The following NOS1AP variants were observed in gnomAD, a reference collection of about 807,000 sequenced individuals.
NOS1AP encodes the protein carboxyl-terminal PDZ ligand of neuronal nitric oxide synthase protein.
A neutral mutation model predicts 56.2 loss-of-function variants in NOS1AP; 21 were observed. That is an observed-to-expected ratio of 0.37 (90% CI 0.26 to 0.54). The LOEUF (loss-of-function observed/expected upper bound fraction) is 0.54. NOS1AP is among the 20% of genes least tolerant of loss of function. The pLI is 0.84. For synonymous variants in NOS1AP, 270 were observed against 274.6 expected (o/e 0.98, Z 0.17); for missense variants, 522 against 657.8 (o/e 0.79, Z 2.26).
At chr1:162,280,377 G>A (rs865944392) in intron 2 of NOS1AP, among the ~76,000 whole-genome samples, 1 of 152,172 alleles carries the variant, frequency 6.6e-6, no homozygotes, top group African/African-American at 2.4e-5. Context: ...ATATGATTAA[G>A]ACACATTGAT....
At chr1:162,199,092 T>TG (rs902994320) in intron 2 of NOS1AP, among the ~76,000 whole-genome samples, 6 of 152,202 alleles carry the variant, frequency 3.9e-5, no homozygotes, top group African/African-American at 1.4e-4. Context: ...GGGATAGGCA[T>TG]GGGGGTTAAG....
intron 2 of NOS1AP, among the ~76,000 whole-genome samples, chr1:162,194,435 C>G (rs1471499866): frequency 6.6e-6 from 1 of 152,118 alleles, no homozygotes; most frequent in Non-Finnish European, 1.5e-5. Flanking sequence ...ATTTAAGTAC[C>G]CTTCAGTGCT....
rs970114416 is a variant in NOS1AP, at chr1:162,150,781, C to A, written c.106-3624C>A. Among the ~76,000 whole-genome samples, 6 of 152,268 alleles carry A rather than the reference C, an allele frequency of 3.9e-5. No homozygotes were observed. The East Asian group carries it at 1.2e-3, about 29-fold the overall frequency. ...TCTTTTGAGAAATGTCTAGTCAGAT[C>A]TTTCACCCATATTTAAATCAGATTA... On this transcript the variant is annotated intron_variant, in intron 1 of 9. Coordinates refer to ENST00000361897, the MANE Select transcript of NOS1AP (RefSeq NM_014697.3).
At position 162,299,783 on chromosome 1, in the gene NOS1AP, C is replaced by T. The variant is rs572901156; in HGVS notation, c.271-850C>T. Reference sequence around the variant, plus strand: ...GTGTGTGTGTGTGTCTGTGTGTGCACGCGCACATACGTAGTATGGTATTTG... The same window carrying T: ...GTGTGTGTGTGTGTCTGTGTGTGCATGCGCACATACGTAGTATGGTATTTG... On this transcript the variant is annotated intron_variant, in intron 3 of 9. Transcript: ENST00000361897. Among the ~76,000 whole-genome samples the T allele has an allele frequency of 5.3e-5, 8 of 151,972 alleles. No homozygotes were observed. The South Asian group carries it at 1.0e-3, about 20-fold the overall frequency.
intron 2 of NOS1AP, among the ~76,000 whole-genome samples, chr1:162,277,769 G>C (rs1240575975): frequency 6.6e-6 from 1 of 152,148 alleles, no homozygotes; most frequent in Admixed American, 6.5e-5. Flanking sequence ...GCTGGCATTG[G>C]TGAAAACATT....
At chr1:162,225,057 G>A (rs1000019285) in intron 2 of NOS1AP, among the ~76,000 whole-genome samples, 1 of 152,202 alleles carries the variant, frequency 6.6e-6, no homozygotes, top group Non-Finnish European at 1.5e-5. Context: ...CAGAAGTCCT[G>A]CAGGTGATAT....
In NOS1AP at chr1:162,246,817, A is replaced by G. The variant is rs945935599; in HGVS notation, c.178-40527A>G. On this transcript the variant is annotated intron_variant, in intron 2 of 9. Coordinates refer to ENST00000361897, the MANE Select transcript of NOS1AP (RefSeq NM_014697.3). ...GGGGGTGTTGATGGGAGACCTGGAC[A>G]GGAATGGGTATGGCCAGTTTGTCCT... Among the ~76,000 whole-genome samples the G allele has an allele frequency of 3.3e-5, 5 of 152,244 alleles. No homozygotes were observed. The East Asian group carries it at 7.7e-4, about 24-fold the overall frequency.
intron 2 of NOS1AP, among the ~76,000 whole-genome samples, chr1:162,263,967 A>G (rs1654317933): frequency 6.6e-6 from 1 of 152,134 alleles, no homozygotes; most frequent in African/African-American, 2.4e-5. Flanking sequence ...TTTAATTCTA[A>G]ACTAGGTCTT....
intron 6 of NOS1AP, 148 bp from the exon 7 acceptor site, chr1:162,355,039 A>C: frequency 1.2e-6 from 1 of 843,530 alleles, no homozygotes; most frequent in Non-Finnish European, 1.9e-6. Context: ...ATGCACTTTA[A>C]CGTACTTGAG....
rs183918851 is a variant in NOS1AP at position 162,180,161 on chromosome 1, G to A, written c.177+25685G>A. 1.5e-3 allele frequency among the ~76,000 whole-genome samples: 232 copies of A among 152,272 alleles called. 2 individuals carry two copies. The highest frequency in any genetic ancestry group is 5.3e-3 in the African/African-American group (221 of 41,562). On this transcript the variant is annotated intron_variant, in intron 2 of 9. Coordinates refer to ENST00000361897, the MANE Select transcript of NOS1AP (RefSeq NM_014697.3). ...CATCACTTACAGAAACAATCCCTGT[G>A]GCAAATGCACCCGGTGACCTCCAAT...
In NOS1AP at chr1:162,368,421, G is replaced by A. The variant is rs886893911; in HGVS notation, c.*954G>A. On this transcript the variant is annotated 3_prime_UTR_variant, in exon 10 of 10. Coordinates refer to ENST00000361897, the MANE Select transcript of NOS1AP (RefSeq NM_014697.3). ...AACCTGTCCCCTCCACTGGGCAGTGGTGGTCAGTTTTTACTGCAAAAAAAA... is the reference window on the plus strand; with the variant it reads ...AACCTGTCCCCTCCACTGGGCAGTGATGGTCAGTTTTTACTGCAAAAAAAA... 7 of 143,410 alleles carry A rather than the reference G, an allele frequency of 4.9e-5. No homozygotes were observed. The highest frequency in any genetic ancestry group is 1.0e-4 in the Non-Finnish European group (7 of 66,782). 8.9% of individuals were successfully genotyped at this position (143,410 alleles called of 1,614,324 possible). A position where few individuals can be genotyped will look rare whatever the true frequency, so the allele number is the denominator to read the frequency against.
intron 7 of NOS1AP, among the ~76,000 whole-genome samples, chr1:162,355,767 CGTT>C (rs1221318564): frequency 6.6e-6 from 1 of 152,040 alleles, no homozygotes; most frequent in African/African-American, 2.4e-5. Flanking sequence ...GGTGGTATAC[CGTT>C]GGTAATTCCT....
chr1:162,199,194 A>T (rs571333251), intron 2 of NOS1AP, among the ~76,000 whole-genome samples: 1 of 152,158 alleles, frequency 6.6e-6, no homozygotes, highest in Admixed American at 6.5e-5. Context: ...TTCTAGAATC[A>T]TGTGGGACTT....
intron 2 of NOS1AP, among the ~76,000 whole-genome samples, chr1:162,222,671 G>A (rs1324893702): frequency 1.3e-5 from 2 of 152,208 alleles, no homozygotes; most frequent in African/African-American, 4.8e-5. Flanking sequence ...CAGGTGGCCT[G>A]TTACATTTGC....
chr1:162,359,059 G>A (rs1657800765), intron 8 of NOS1AP, among the ~76,000 whole-genome samples: 1 of 152,152 alleles, frequency 6.6e-6, no homozygotes, highest in Non-Finnish European at 1.5e-5. Flanking sequence ...CCCTGGCCCT[G>A]TTTTAATTGT....
In NOS1AP at chr1:162,145,450, T is replaced by A. The variant is rs563637587; in HGVS notation, c.106-8955T>A. On this transcript the variant is annotated intron_variant, in intron 1 of 9. Transcript: ENST00000361897. Reference sequence around the variant, plus strand: ...CGCAACTTTTCTCTTTTTCCTCCCCTCCCCCAGAGTATTTAGTAGGAGGTC... The same window carrying A: ...CGCAACTTTTCTCTTTTTCCTCCCCACCCCCAGAGTATTTAGTAGGAGGTC... Among the ~76,000 whole-genome samples the A allele has an allele frequency of 2.1e-4, 32 of 152,074 alleles. No homozygotes were observed. The South Asian group carries it at 5.8e-3, about 28-fold the overall frequency.
Position 162,070,092 on chromosome 1 carries a change from C to T in NOS1AP, c.-86C>T. On this transcript the variant is annotated 5_prime_UTR_variant, in exon 1 of 10. Transcript: ENST00000361897. ...CAGGCCCCGCCACGCGTCGCCGCGC[C>T]CAGCTCCAGTCTCCCCTCCCCGGGG... 3 of 1,124,394 alleles carry T rather than the reference C, an allele frequency of 2.7e-6. No individual in the cohort carries two copies. Among genetic ancestry groups the T allele is most frequent in the East Asian group, 2.5e-5 (1 of 39,226 alleles). 69.7% of individuals were successfully genotyped at this position (1,124,394 alleles called of 1,614,324 possible). A position where few individuals can be genotyped will look rare whatever the true frequency, so the allele number is the denominator to read the frequency against.
chr1:162,273,967 T>C (rs1344500781), intron 2 of NOS1AP, among the ~76,000 whole-genome samples: 1 of 152,212 alleles, frequency 6.6e-6, no homozygotes, highest in African/African-American at 2.4e-5. Flanking sequence ...CCATTCACCC[T>C]GTGGAAGGAT....
chr1:162,296,062 G>A lies in NOS1AP; in HGVS notation c.271-4571G>A, dbSNP rs574991546. On this transcript the variant is annotated intron_variant, in intron 3 of 9. Coordinates refer to ENST00000361897, the MANE Select transcript of NOS1AP (RefSeq NM_014697.3). Reference sequence around the variant, plus strand: ...AGCACTTTGGGAGGCCGAGGCAGGCGGATCACCTGAGATTAGGAATTCAAG... The same window carrying A: ...AGCACTTTGGGAGGCCGAGGCAGGCAGATCACCTGAGATTAGGAATTCAAG... Among the ~76,000 whole-genome samples the A allele has an allele frequency of 2.6e-4, 40 of 152,166 alleles. 1 individual carries two copies. In the South Asian group the frequency reaches 7.3e-3, roughly 28 times the overall value.
Sources: allele counts gnomAD v4.1 joint callset (sites outside exome capture counted in the v4.1 genomes callset), GRCh38; gene constraint gnomAD v4.1.1; transcripts MANE v1.5; gene names NCBI Gene and HGNC (gene_info 2026-07-23, HGNC 2026-07-21).